Variants in ZFP64 observed in about 807,000 individuals in gnomAD.
The protein encoded by ZFP64 is zinc finger protein 64.
Under a neutral mutation model 51.6 loss-of-function variants are expected in ZFP64, and 14 were observed. The observed-to-expected ratio is 0.27, with a 90% CI of 0.18 to 0.42. The LOEUF (loss-of-function observed/expected upper bound fraction) is 0.42, where lower values mean the gene tolerates loss of function less well. Among genes scored for constraint, ZFP64 ranks in the 10% least tolerant of loss-of-function variants. The probability of loss-of-function intolerance (pLI) is 1.00; values close to 1 mark genes in which losing one functional copy is unlikely to be tolerated. For synonymous variants in ZFP64, 375 were observed against 361.4 expected (o/e 1.04, Z -0.43); for missense variants, 754 against 906.8 (o/e 0.83, Z 2.16).
chr20:52,090,985 G>C (rs940424153), intron 7 of ZFP64, among the ~76,000 whole-genome samples: 1 of 140,468 alleles, frequency 7.1e-6, no homozygotes, highest in Admixed American at 7.3e-5. Context: ...TACCCTTGTA[G>C]TCCCAGCTAC....
At chr20:52,095,632 A>C (rs2078980154) in intron 7 of ZFP64, among the ~76,000 whole-genome samples, 2 of 152,212 alleles carry the variant, frequency 1.3e-5, no homozygotes, top group East Asian at 3.8e-4. Context: ...AAGTTTGCTT[A>C]CACTAGGGAG....
intron 2 of ZFP64, among the ~76,000 whole-genome samples, chr20:52,178,551 A>G (rs954067255): frequency 5.9e-5 from 9 of 152,182 alleles, no homozygotes; most frequent in Non-Finnish European, 1.3e-4. Flanking sequence ...TAAATCACTC[A>G]TGTGTTCAAG....
At chr20:52,176,093 G>C (rs1983186890) in intron 2 of ZFP64, 1 of 357,572 alleles carries the variant, frequency 2.8e-6, no homozygotes, top group Middle Eastern at 1.4e-3. Flanking sequence ...GGCCAATCGA[G>C]TCTCTTGCTC....
In ZFP64 at chr20:52,191,499, G is replaced by C. The variant is rs1984367617; in HGVS notation, c.46+92C>G. On this transcript the variant is annotated intron_variant, in intron 1 of 5. Coordinates refer to ENST00000216923, the MANE Select transcript of ZFP64 (RefSeq NM_018197.3). The surrounding 1 kb of genome is among the most constrained non-coding windows in gnomAD (Gnocchi z 4.3). Reference sequence around the variant, plus strand: ...CGTCACCCCGATTTCGGGGCCCCGGGCCTGCTGGCTGCGTCGCAGACGTGC... The same window carrying C: ...CGTCACCCCGATTTCGGGGCCCCGGCCCTGCTGGCTGCGTCGCAGACGTGC... 7.2e-7 allele frequency: 1 copy of C among 1,390,088 alleles called. No individual in the cohort carries two copies. The highest frequency in any genetic ancestry group is 1.5e-5 in the African/African-American group (1 of 66,062). 86.1% of individuals were successfully genotyped at this position (1,390,088 alleles called of 1,614,324 possible).
At chr20:52,141,564 G>A (rs982587640) in intron 5 of ZFP64, among the ~76,000 whole-genome samples, 1 of 152,144 alleles carries the variant, frequency 6.6e-6, no homozygotes, top group African/African-American at 2.4e-5. Context: ...GATTGCAAGA[G>A]AACTAGAATT....
intron 5 of ZFP64, among the ~76,000 whole-genome samples, chr20:52,145,082 G>T (rs902674013): frequency 1.3e-5 from 2 of 152,134 alleles, no homozygotes; most frequent in Non-Finnish European, 2.9e-5. Flanking sequence ...AAGAGCTCCA[G>T]CTTATTTTTA....
At position 52,139,297 on chromosome 20, in the gene ZFP64, G is replaced by A. The variant is rs117319463; in HGVS notation, c.763+20826C>T. On this transcript the variant is annotated intron_variant, in intron 5 of 8. Transcript: ENST00000361387. ...GGGCTGGATAAAGGAAATGTGGTAC[G>A]TACAGCATGGAATACTTCACAACCA... Among the ~76,000 whole-genome samples, 532 of 152,260 alleles carry A rather than the reference G, an allele frequency of 3.5e-3. 2 individuals carry two copies. The highest frequency in any genetic ancestry group is 6.3e-3 in the Non-Finnish European group (427 of 68,010).
chr20:52,142,419 A>T (rs914914412), intron 5 of ZFP64, among the ~76,000 whole-genome samples: 1 of 95,230 alleles, frequency 1.1e-5, no homozygotes. Flanking sequence ...CACACACACA[A>T]ATTGCTTAAT....
chr20:52,170,504 G>A (rs1388669994), intron 2 of ZFP64, among the ~76,000 whole-genome samples: 1 of 152,172 alleles, frequency 6.6e-6, no homozygotes, highest in Non-Finnish European at 1.5e-5. Flanking sequence ...CCCAGGTGCA[G>A]GGATCATTTT....
At position 52,191,557 on chromosome 20, in the gene ZFP64, C is replaced by A; in HGVS notation, c.46+34G>T. On this transcript the variant is annotated intron_variant, in intron 1 of 5. Coordinates refer to ENST00000216923, the MANE Select transcript of ZFP64 (RefSeq NM_018197.3). This position sits in a 1 kb window ranked among gnomAD's most constrained non-coding sequence, Gnocchi z 4.3. Reference sequence around the variant, plus strand: ...CGGGCCCCGGAGCGCGCACTGGGCCCCGGAGCGCGCACTGCTCCCGGAAAA... The same window carrying A: ...CGGGCCCCGGAGCGCGCACTGGGCCACGGAGCGCGCACTGCTCCCGGAAAA... 1 of 1,545,618 alleles carries A rather than the reference C, an allele frequency of 6.5e-7. No individual in the cohort carries two copies. The highest frequency in any genetic ancestry group is 2.6e-5 in the East Asian group (1 of 38,558).
intron 5 of ZFP64, among the ~76,000 whole-genome samples, chr20:52,143,663 G>A (rs1215751778): frequency 7.2e-6 from 1 of 139,064 alleles, no homozygotes. Flanking sequence ...AGCCTCTAGA[G>A]TAGTTGGGGC....
Position 52,106,483 on chromosome 20 carries a change from A to T in ZFP64, c.764-7896T>A, listed in dbSNP as rs554880912. ...ATCTGTATTTTTAACAGCGCCGCGT[A>T]TGAGTTTTACGGGGTGGTCCTGTGG... On this transcript the variant is annotated intron_variant, in intron 5 of 8. Coordinates refer to the ZFP64 transcript ENST00000361387. Among the ~76,000 whole-genome samples the T allele has an allele frequency of 7.2e-5, 11 of 152,158 alleles. No homozygotes were observed. In the South Asian group the frequency reaches 1.0e-3, roughly 14 times the overall value.
intron 5 of ZFP64, among the ~76,000 whole-genome samples, chr20:52,154,385 A>G (rs1327256226): frequency 1.3e-5 from 2 of 152,146 alleles, no homozygotes; most frequent in African/African-American, 4.8e-5. Context: ...GACAGACTAC[A>G]TAACTTGTTC....
At chr20:52,090,626 C>T (rs2078913814) in intron 7 of ZFP64, among the ~76,000 whole-genome samples, 2 of 151,844 alleles carry the variant, frequency 1.3e-5, no homozygotes. Context: ...TGGTGAAATC[C>T]TGTCTCTACT....
intron 7 of ZFP64, among the ~76,000 whole-genome samples, chr20:52,092,310 G>A (rs2078936220): frequency 6.6e-6 from 1 of 152,228 alleles, no homozygotes; most frequent in Non-Finnish European, 1.5e-5. Context: ...CCCACCAGAT[G>A]CCAGTAGAAC....
intron 5 of ZFP64, among the ~76,000 whole-genome samples, chr20:52,119,738 C>CA (rs1179019683): frequency 1.3e-5 from 2 of 150,302 alleles, no homozygotes; most frequent in Non-Finnish European, 3.0e-5. Flanking sequence ...TCAAAACAAA[C>CA]AAAAAAACAA....
intron 5 of ZFP64, among the ~76,000 whole-genome samples, chr20:52,121,693 G>C (rs1165449684): frequency 6.6e-6 from 1 of 152,240 alleles, no homozygotes; most frequent in Non-Finnish European, 1.5e-5. Flanking sequence ...AGAAGATGCA[G>C]CTAAGATCAC....
chr20:52,186,725 AC>A (rs1284836300), intron 2 of ZFP64, 106 bp downstream of exon 2: 2 of 1,459,842 alleles, frequency 1.4e-6, no homozygotes, highest in Admixed American at 4.6e-5. Flanking sequence ...TGAATCAGCA[AC>A]CCTAGGGGGT....
chr20:52,113,001 A>G (rs1978674746), intron 5 of ZFP64, among the ~76,000 whole-genome samples: 1 of 152,114 alleles, frequency 6.6e-6, no homozygotes, highest in African/African-American at 2.4e-5. Flanking sequence ...GAACAAATAA[A>G]TGTTTATCCA....
Sources: gnomAD v4.1 joint callset for allele counts (sites outside exome capture counted in the v4.1 genomes callset) on GRCh38, gnomAD v4.1.1 for gene constraint, Gnocchi (gnomAD v3.1) non-coding constraint, MANE v1.5 for transcripts, NCBI Gene and HGNC (gene_info 2026-07-23, HGNC 2026-07-21) for gene names.